MRAP2: variants seen among roughly 807,000 people sequenced by gnomAD.
MRAP2 encodes melanocortin 2 receptor accessory protein 2.
Under a neutral mutation model 17.4 loss-of-function variants are expected in MRAP2, and 20 were observed. The observed-to-expected ratio is 1.15, with a 90% CI of 0.81 to 1.67. The LOEUF (loss-of-function observed/expected upper bound fraction) is 1.67. MRAP2 is among the 40% of genes most tolerant of loss of function. MRAP2 has a pLI of 0.00. For synonymous variants in MRAP2, 96 were observed against 88.4 expected (o/e 1.09, Z -0.48); for missense variants, 238 against 240.0 (o/e 0.99, Z 0.05).
chr6:84,091,048 G>A (rs780763467), downstream of MRAP2, among the ~76,000 whole-genome samples: 3 of 151,894 alleles, frequency 2.0e-5, no homozygotes, highest in South Asian at 2.1e-4. Flanking sequence ...GGATTATTTC[G>A]CTAAAAGAAA....
chr6:84,129,001 T>C, the MRAP2 span, among the ~76,000 whole-genome samples: 1 of 152,214 alleles, frequency 6.6e-6, no homozygotes, highest in African/African-American at 2.4e-5. Context: ...TTCATCCATG[T>C]TCCTGCAAAG....
intron 1 of MRAP2, among the ~76,000 whole-genome samples, chr6:84,049,906 G>A (rs1276000770): frequency 2.0e-5 from 3 of 152,160 alleles, no homozygotes; most frequent in Admixed American, 2.0e-4. Flanking sequence ...CTAGAGAATG[G>A]CATAAAACTT....
the MRAP2 span, among the ~76,000 whole-genome samples, chr6:84,123,911 T>C: frequency 2.8e-4 from 42 of 151,960 alleles, no homozygotes; most frequent in African/African-American, 8.7e-4. Flanking sequence ...GAGAAAAACA[T>C]GAACAGACAT....
chr6:84,113,302 G>A, the MRAP2 span, among the ~76,000 whole-genome samples: 64 of 152,276 alleles, frequency 4.2e-4, no homozygotes, highest in South Asian at 1.9e-3. Flanking sequence ...ATTTAGGATA[G>A]TTAGCTCTTC....
the MRAP2 span, among the ~76,000 whole-genome samples, chr6:84,123,493 A>G: frequency 1.3e-5 from 2 of 152,154 alleles, 1 homozygote; most frequent in Admixed American, 1.3e-4. Flanking sequence ...ACCCTACTCA[A>G]TAAATGGTGC....
chr6:84,092,677 AC>A (rs1226563191), downstream of MRAP2, among the ~76,000 whole-genome samples: 1 of 152,174 alleles, frequency 6.6e-6, no homozygotes, highest in Non-Finnish European at 1.5e-5. Flanking sequence ...CCCTGTATAC[AC>A]CAAAATCCTA....
At chr6:84,098,341 T>C in the MRAP2 span, among the ~76,000 whole-genome samples, 1 of 152,188 alleles carries the variant, frequency 6.6e-6, no homozygotes, top group Admixed American at 6.5e-5. Context: ...CATACCATAA[T>C]TTGCTTATCT....
chr6:84,046,329 TA>T (rs1393647145), intron 1 of MRAP2, among the ~76,000 whole-genome samples: 1 of 152,152 alleles, frequency 6.6e-6, no homozygotes, highest in Non-Finnish European at 1.5e-5. Context: ...GGAACCAGTT[TA>T]ATGAAATTAG....
At chr6:84,108,097 C>G in the MRAP2 span, among the ~76,000 whole-genome samples, 1 of 152,130 alleles carries the variant, frequency 6.6e-6, no homozygotes, top group Non-Finnish European at 1.5e-5. Context: ...GTCAGTTGTA[C>G]TTGGAGGTCC....
At chr6:84,055,189 G>A (rs940038907) in intron 1 of MRAP2, 123 bp from the exon 2 acceptor site, 1 of 1,073,276 alleles carries the variant, frequency 9.3e-7, no homozygotes, top group East Asian at 2.5e-5. Flanking sequence ...CCTGGCCTAG[G>A]AGGTAAGACC....
the MRAP2 span, among the ~76,000 whole-genome samples, chr6:84,119,226 G>A: frequency 6.6e-6 from 1 of 151,966 alleles, no homozygotes; most frequent in Non-Finnish European, 1.5e-5. Flanking sequence ...AAATATTATT[G>A]TAATTTTAAT....
intron 1 of MRAP2, among the ~76,000 whole-genome samples, chr6:84,043,029 A>G (rs1296970872): frequency 6.6e-6 from 1 of 152,232 alleles, no homozygotes; most frequent in Non-Finnish European, 1.5e-5. Context: ...AGATACCACA[A>G]GCCAAAAATA....
chr6:84,096,183 ATGT>A, the MRAP2 span, among the ~76,000 whole-genome samples: 21 of 152,154 alleles, frequency 1.4e-4, no homozygotes, highest in South Asian at 3.9e-3. Context: ...TAGGATACAG[ATGT>A]TGTATGTATA....
At chr6:84,145,948 CTTA>C in the MRAP2 span, among the ~76,000 whole-genome samples, 1 of 152,114 alleles carries the variant, frequency 6.6e-6, no homozygotes, top group Non-Finnish European at 1.5e-5. Context: ...AGAAATGCCT[CTTA>C]TTAGATCACC....
chr6:84,055,269 A>G, intron 1 of MRAP2, 43 bp from the exon 2 acceptor site: 1 of 1,583,518 alleles, frequency 6.3e-7, no homozygotes, highest in Non-Finnish European at 8.5e-7. Flanking sequence ...GCAGCTCTGG[A>G]TGAATTAACA....
chr6:84,125,111 G>A, the MRAP2 span: 1 of 1,612,874 alleles, frequency 6.2e-7, no homozygotes, highest in Admixed American at 1.7e-5. Flanking sequence ...AAAGCAACTG[G>A]CACAACCACT....
At chr6:84,112,130 G>A in the MRAP2 span, among the ~76,000 whole-genome samples, 3 of 152,142 alleles carry the variant, frequency 2.0e-5, no homozygotes, top group African/African-American at 7.2e-5. Context: ...AATGAGTTAG[G>A]GAGGAGTCCC....
chr6:84,085,573 A>G (rs909440741), intron 3 of MRAP2, among the ~76,000 whole-genome samples: 1 of 152,186 alleles, frequency 6.6e-6, no homozygotes, highest in Non-Finnish European at 1.5e-5. Context: ...TGCTCTTGAA[A>G]GATTTTCAGA....
In MRAP2 at chr6:84,041,402, C is replaced by G. The variant is rs6941892; in HGVS notation, c.-8+7519C>G. The stretch of plus-strand genomic sequence containing the variant: ...AATGTGGAGTCAGAGCCCTCACACA[C>G]AGTCTTCAGTGGGGCACTGCCTAGT... On this transcript the variant is annotated intron_variant, in intron 1 of 3. Coordinates refer to ENST00000257776, the MANE Select transcript of MRAP2 (RefSeq NM_138409.4). 6.4e-3 allele frequency among the ~76,000 whole-genome samples: 980 copies of G among 152,366 alleles called. 17 individuals are homozygous for G. The highest frequency in any genetic ancestry group is 0.022 in the African/African-American group (917 of 41,588).
Sources: gnomAD v4.1 joint callset for allele counts (sites outside exome capture counted in the v4.1 genomes callset) on GRCh38, gnomAD v4.1.1 for gene constraint, MANE v1.5 for transcripts, NCBI Gene and HGNC (gene_info 2026-07-23, HGNC 2026-07-21) for gene names.